Variants in RPS6KC1 observed in about 807,000 individuals in gnomAD.
RPS6KC1 encodes the protein inactive ribosomal protein S6 kinase delta-1.
RPS6KC1 carries 54 observed loss-of-function variants against 103.8 expected under a neutral mutation model. That is an observed-to-expected ratio of 0.52 (90% CI 0.42 to 0.65). RPS6KC1 has a LOEUF of 0.65. RPS6KC1 is among the 30% of genes least tolerant of loss of function. RPS6KC1 has a pLI of 0.00. For synonymous variants in RPS6KC1, 439 were observed against 438.7 expected (o/e 1.00, Z -0.01); for missense variants, 1,151 against 1,253.8 (o/e 0.92, Z 1.24).
the RPS6KC1 span, among the ~76,000 whole-genome samples, chr1:213,420,876 C>G: frequency 1.3e-5 from 2 of 152,168 alleles, no homozygotes; most frequent in South Asian, 2.1e-4. Context: ...GCACGCCTCT[C>G]TCCTGGCTTC....
intron 8 of RPS6KC1, among the ~76,000 whole-genome samples, chr1:213,220,981 A>C (rs868303203): frequency 3.3e-5 from 5 of 152,076 alleles, no homozygotes; most frequent in Non-Finnish European, 5.9e-5. Flanking sequence ...CTCAAAGTCT[A>C]TTTTCTCATG....
chr1:213,292,131 A>G, the RPS6KC1 span, among the ~76,000 whole-genome samples: 1 of 152,116 alleles, frequency 6.6e-6, no homozygotes, highest in Non-Finnish European at 1.5e-5. Flanking sequence ...GTATAGCTTT[A>G]GGAGATATAC....
At chr1:213,259,734 ATTTTTTTTTT>A (rs71147063) in intron 12 of RPS6KC1, among the ~76,000 whole-genome samples, 1 of 97,918 alleles carries the variant, frequency 1.0e-5, no homozygotes, top group African/African-American at 3.8e-5. Flanking sequence ...TGTTTTTTTA[ATTTTTTTTTT>A]TTTTTTTTTT....
chr1:213,675,832 G>T, the RPS6KC1 span, among the ~76,000 whole-genome samples: 3 of 152,168 alleles, frequency 2.0e-5, no homozygotes, highest in Non-Finnish European at 4.4e-5. Context: ...AGCCAAGATG[G>T]CACCACTGCA....
At chr1:213,777,894 A>G in the RPS6KC1 span, among the ~76,000 whole-genome samples, 1 of 152,296 alleles carries the variant, frequency 6.6e-6, no homozygotes, top group East Asian at 1.9e-4. Context: ...CAAGTGCTTT[A>G]TGTGCGTTAT....
chr1:213,448,513 C>T, the RPS6KC1 span, among the ~76,000 whole-genome samples: 1 of 152,028 alleles, frequency 6.6e-6, no homozygotes, highest in South Asian at 2.1e-4. Flanking sequence ...AGAAACAGAG[C>T]CTCAAGCCTG....
chr1:213,767,559 T>G, the RPS6KC1 span, among the ~76,000 whole-genome samples: 1 of 151,708 alleles, frequency 6.6e-6, no homozygotes, highest in African/African-American at 2.4e-5. Flanking sequence ...CTGTTCAATA[T>G]CTCTCTCTGT....
the RPS6KC1 span, among the ~76,000 whole-genome samples, chr1:213,484,198 A>G: frequency 6.6e-6 from 1 of 152,240 alleles, no homozygotes; most frequent in Non-Finnish European, 1.5e-5. Flanking sequence ...TCTATTATCT[A>G]TCACTGCATA....
At chr1:213,143,573 AT>A (rs1274258228) in intron 6 of RPS6KC1, among the ~76,000 whole-genome samples, 2 of 151,102 alleles carry the variant, frequency 1.3e-5, no homozygotes, top group Non-Finnish European at 2.9e-5. Flanking sequence ...GGATTATTAA[AT>A]TTTCCATAAA....
the RPS6KC1 span, among the ~76,000 whole-genome samples, chr1:213,660,666 A>C: frequency 6.6e-6 from 1 of 152,308 alleles, no homozygotes; most frequent in Middle Eastern, 3.4e-3. Flanking sequence ...GAATGGAATG[A>C]CAGACTCATG....
At chr1:213,752,415 C>T in the RPS6KC1 span, among the ~76,000 whole-genome samples, 1 of 151,996 alleles carries the variant, frequency 6.6e-6, no homozygotes, top group Non-Finnish European at 1.5e-5. Flanking sequence ...ATTGACAAAT[C>T]GATGCCAGGT....
At chr1:213,389,970 A>G in the RPS6KC1 span, among the ~76,000 whole-genome samples, 1 of 151,890 alleles carries the variant, frequency 6.6e-6, no homozygotes, top group Non-Finnish European at 1.5e-5. Context: ...GAAAATGATT[A>G]TTTTTCGTAC....
the RPS6KC1 span, among the ~76,000 whole-genome samples, chr1:213,645,107 C>G: frequency 1.7e-3 from 261 of 152,204 alleles, no homozygotes; most frequent in African/African-American, 5.6e-3. Flanking sequence ...CTAGCAACTG[C>G]CTTTTTTGGC....
At chr1:213,550,422 G>A in the RPS6KC1 span, among the ~76,000 whole-genome samples, 1 of 152,086 alleles carries the variant, frequency 6.6e-6, no homozygotes, top group African/African-American at 2.4e-5. Context: ...AAGTACTAAA[G>A]GACATTAATT....
intron 12 of RPS6KC1, among the ~76,000 whole-genome samples, chr1:213,244,214 A>T (rs2094415400): frequency 6.6e-6 from 1 of 151,672 alleles, no homozygotes; most frequent in Admixed American, 6.6e-5. Flanking sequence ...AAAAAACCAG[A>T]TCCTCCCCAC....
chr1:213,438,078 G>A, the RPS6KC1 span, among the ~76,000 whole-genome samples: 4 of 151,878 alleles, frequency 2.6e-5, no homozygotes, highest in South Asian at 2.1e-4. Flanking sequence ...CTAATCTGGT[G>A]TTCAACTCAT....
At chr1:213,497,616 T>C in the RPS6KC1 span, among the ~76,000 whole-genome samples, 1 of 152,136 alleles carries the variant, frequency 6.6e-6, no homozygotes, top group South Asian at 2.1e-4. Context: ...GGTTTTAGTA[T>C]AAAGAATTAA....
At chr1:213,634,830 G>A in the RPS6KC1 span, among the ~76,000 whole-genome samples, 36 of 150,772 alleles carry the variant, frequency 2.4e-4, no homozygotes, top group East Asian at 5.8e-4. Flanking sequence ...CAATGAATCC[G>A]GGAGCTGGTT....
At chr1:213,645,395 A>T in the RPS6KC1 span, among the ~76,000 whole-genome samples, 11 of 152,150 alleles carry the variant, frequency 7.2e-5, no homozygotes, top group African/African-American at 2.7e-4. Context: ...TCATAAAATC[A>T]TCCTGCCCCA....
Sources: gnomAD v4.1 joint callset for allele counts (sites outside exome capture counted in the v4.1 genomes callset) on GRCh38, gnomAD v4.1.1 for gene constraint, MANE v1.5 for transcripts, NCBI Gene and HGNC (gene_info 2026-07-23, HGNC 2026-07-21) for gene names.